The following SPATA13 variants were observed in gnomAD, a reference collection of about 807,000 sequenced individuals.
SPATA13 encodes spermatogenesis associated 13, also known as spermatogenesis-associated protein 13.
A neutral mutation model predicts 104.0 loss-of-function variants in SPATA13; 50 were observed. The observed-to-expected ratio is 0.48, with a 90% CI of 0.38 to 0.61. The LOEUF (loss-of-function observed/expected upper bound fraction) is 0.61. Ranked by LOEUF, SPATA13 falls within the 20% of genes least tolerant of loss-of-function variation. The pLI, the probability that SPATA13 is intolerant of heterozygous loss-of-function variation, is 0.00. For synonymous variants in SPATA13, 606 were observed against 667.5 expected (o/e 0.91, Z 1.42); for missense variants, 1,524 against 1,690.6 (o/e 0.90, Z 1.73).
chr13:24,183,239 T>C (rs1248787980), intron 1 of SPATA13, among the ~76,000 whole-genome samples: 1 of 152,232 alleles, frequency 6.6e-6, no homozygotes, highest in Non-Finnish European at 1.5e-5. Context: ...TAAAAACATA[T>C]ATGAAACATT....
At chr13:24,199,136 G>A (rs545361591) in intron 1 of SPATA13, among the ~76,000 whole-genome samples, 10 of 152,042 alleles carry the variant, frequency 6.6e-5, no homozygotes, top group African/African-American at 1.4e-4. Context: ...CGATCCGCCC[G>A]TCTTGGCCTT....
Position 24,224,511 on chromosome 13 carries a change from G to A in SPATA13, c.1582G>A (p.Asp528Asn), listed in dbSNP as rs1284363245. Residue 528 changes from aspartate (D) to asparagine (N), a missense_variant, in exon 2 of 13, where the codon GAT becomes AAT. Physicochemically the swap from Asp to Asn is conservative, Grantham distance 23. Transcript: ENST00000382108. ...LQDPLEATHGDEGSKDLLVNI... is the reference protein window; with the variant it reads ...LQDPLEATHGNEGSKDLLVNI... ...GGATCCCCTGGAAGCCACACATGGT[G>A]ATGAGGGCAGCAAGGACCTTCTGGT... The A allele has an allele frequency of 1.9e-6, 3 of 1,548,572 alleles. No homozygotes were observed. Among genetic ancestry groups the A allele is most frequent in the Non-Finnish European group, 2.6e-6 (3 of 1,146,992 alleles).
chr13:24,305,064 A>T lies in SPATA13; in HGVS notation c.*2291A>T, dbSNP rs751766950. 1 of 152,264 alleles carries T rather than the reference A, an allele frequency of 6.6e-6. No individual in the cohort carries two copies. Among genetic ancestry groups the T allele is most frequent in the Non-Finnish European group, 1.5e-5 (1 of 68,050 alleles). The allele number at this position is 152,264 out of a possible 1,614,324, so 9.4% of individuals were successfully genotyped here. On this transcript the variant is annotated 3_prime_UTR_variant, in exon 13 of 13. Coordinates refer to ENST00000382108, the MANE Select transcript of SPATA13 (RefSeq NM_001166271.3). ...GTTTTAAATGTAATATAAGAGAATT[A>T]GTTTAAGGAAGTAAAGAGAATCATT...
intron 1 of SPATA13, among the ~76,000 whole-genome samples, chr13:24,166,550 C>G (rs1882740554): frequency 6.6e-6 from 1 of 152,178 alleles, no homozygotes; most frequent in Admixed American, 6.5e-5. Context: ...GCACATCAGT[C>G]ATGACTGAGT....
chr13:24,251,511 CG>C (rs980495272), intron 3 of SPATA13: 21 of 985,314 alleles, frequency 2.1e-5, no homozygotes, highest in Non-Finnish European at 2.4e-5. Flanking sequence ...CTGCAGGGTG[CG>C]GGCCAGTAAG....
Position 24,224,449 on chromosome 13 carries a change from A to G in SPATA13, c.1520A>G (p.Glu507Gly). Residue 507 changes from glutamate (E) to glycine (G), a missense_variant, in exon 2 of 13, where the codon GAG becomes GGG. Glu to Gly is a moderately conservative substitution (Grantham distance 98, BLOSUM62 -2). Transcript: ENST00000382108. ...GAGGAAAGTGAAGGAAGGGCAGAAG[A>G]GCCTGCTCAGAGAGAGCCAGGGCCT... is the stretch of plus-strand genomic sequence containing the variant. ...NSEESEGRAE[E>G]PAQREPGPVS... 1 of 1,551,704 alleles carries G rather than the reference A, an allele frequency of 6.4e-7. No homozygotes were observed.
chr13:24,066,654 T>A (rs775959391), intron 3 of SPATA13, among the ~76,000 whole-genome samples: 12 of 152,180 alleles, frequency 7.9e-5, no homozygotes, highest in Non-Finnish European at 1.6e-4. Flanking sequence ...CCTGCCTTCA[T>A]GGGCCAGGAG....
At chr13:24,048,420 AT>A (rs1400987571) in intron 3 of SPATA13, among the ~76,000 whole-genome samples, 2 of 151,468 alleles carry the variant, frequency 1.3e-5, no homozygotes, top group African/African-American at 4.9e-5. Flanking sequence ...AATATAATGA[AT>A]GATTTTAAAT....
At chr13:24,175,223 G>GT (rs539635057) in intron 1 of SPATA13, among the ~76,000 whole-genome samples, 16 of 138,062 alleles carry the variant, frequency 1.2e-4, no homozygotes, top group Non-Finnish European at 2.6e-4. Flanking sequence ...AGTGATGCTT[G>GT]TTTTTTTGTT....
chr13:24,169,500 G>A (rs928898412), intron 1 of SPATA13, among the ~76,000 whole-genome samples: 3 of 152,172 alleles, frequency 2.0e-5, no homozygotes, highest in South Asian at 4.2e-4. Flanking sequence ...CTCACTGACC[G>A]GCATTGAGAT....
intron 3 of SPATA13, among the ~76,000 whole-genome samples, chr13:24,080,244 A>G (rs1341709932): frequency 6.6e-6 from 1 of 152,238 alleles, no homozygotes; most frequent in Non-Finnish European, 1.5e-5. Flanking sequence ...CCTAGAATCA[A>G]ATTCCTGAAA....
chr13:24,181,802 A>C (rs944139427), intron 1 of SPATA13, among the ~76,000 whole-genome samples: 1 of 148,416 alleles, frequency 6.7e-6, no homozygotes, highest in East Asian at 2.0e-4. Context: ...GAAAGCATAC[A>C]CTTTACATGA....
At chr13:24,039,243 G>T (rs1471307931) in intron 3 of SPATA13, among the ~76,000 whole-genome samples, 1 of 152,112 alleles carries the variant, frequency 6.6e-6, no homozygotes, top group Non-Finnish European at 1.5e-5. Flanking sequence ...CTGCCTTTGC[G>T]CCTGGCTGTG....
At chr13:24,024,915 T>A (rs1340363802) in intron 3 of SPATA13, among the ~76,000 whole-genome samples, 1 of 150,014 alleles carries the variant, frequency 6.7e-6, no homozygotes, top group Non-Finnish European at 1.5e-5. Context: ...GTTTTTTAAT[T>A]TTAAAAACAT....
chr13:24,000,416 G>T (rs1340750237), intron 2 of SPATA13, among the ~76,000 whole-genome samples: 1 of 152,166 alleles, frequency 6.6e-6, no homozygotes, highest in Admixed American at 6.5e-5. Context: ...GGGCGGTGAG[G>T]TGTCTAAGCC....
chr13:24,073,278 C>T (rs1229785723), intron 3 of SPATA13, among the ~76,000 whole-genome samples: 1 of 152,178 alleles, frequency 6.6e-6, no homozygotes, highest in African/African-American at 2.4e-5. Context: ...CCCACTACCC[C>T]AAGATAGAAC....
intron 4 of SPATA13, chr13:24,271,041 ACTCTCT>A (rs71928912): frequency 6.2e-6 from 3 of 482,376 alleles, no homozygotes; most frequent in Non-Finnish European, 1.2e-5. Flanking sequence ...TCTCTCTCTC[ACTCTCT>A]CTCTCTCTCT....
At chr13:24,141,419 A>T (rs573412631) in intron 3 of SPATA13, among the ~76,000 whole-genome samples, 1 of 152,216 alleles carries the variant, frequency 6.6e-6, no homozygotes, top group South Asian at 2.1e-4. Flanking sequence ...AATGCATTTG[A>T]ATCTTCTGCC....
At chr13:24,015,847 A>C (rs1355262833) in intron 2 of SPATA13, among the ~76,000 whole-genome samples, 1 of 151,932 alleles carries the variant, frequency 6.6e-6, no homozygotes, top group Admixed American at 6.6e-5. Context: ...ACCCCACCTA[A>C]ATCAGCAAAA....
Sources: allele counts gnomAD v4.1 joint callset (sites outside exome capture counted in the v4.1 genomes callset), GRCh38; gene constraint gnomAD v4.1.1; transcripts MANE v1.5; gene names NCBI Gene and HGNC (gene_info 2026-07-23, HGNC 2026-07-21).